ADAMTSL3: variants seen among roughly 807,000 people sequenced by gnomAD.
ADAMTSL3 encodes the protein ADAMTS-like protein 3.
A neutral mutation model predicts 201.7 loss-of-function variants in ADAMTSL3; 128 were observed. The observed-to-expected ratio is 0.63, with a 90% confidence interval of 0.55 to 0.73. The LOEUF is 0.73. Among genes scored for constraint, ADAMTSL3 ranks in the 30% least tolerant of loss-of-function variants. ADAMTSL3 has a pLI of 0.00. For synonymous variants in ADAMTSL3, 738 were observed against 748.4 expected, an observed-to-expected ratio of 0.99 and a Z score of 0.23; for missense variants, 1,990 against 2,119.6, an observed-to-expected ratio of 0.94 and a Z score of 1.20.
chr15:83,909,219 G>A (rs943079882), intron 15 of ADAMTSL3, among the ~76,000 whole-genome samples: 4 of 152,118 alleles, frequency 2.6e-5, no homozygotes, highest in Admixed American at 6.5e-5. Context: ...TTCCCATCTC[G>A]AGGTCACACC....
intron 4 of ADAMTSL3, among the ~76,000 whole-genome samples, chr15:83,782,601 C>G (rs993798291): frequency 6.6e-6 from 1 of 152,166 alleles, no homozygotes; most frequent in Non-Finnish European, 1.5e-5. Flanking sequence ...AGGCCATTAT[C>G]TTTAGCAAAC....
intron 2 of ADAMTSL3, among the ~76,000 whole-genome samples, chr15:83,695,253 T>TGTGTATGTAGTGTGTGGTATGTG (rs2061671455): frequency 1.9e-5 from 1 of 53,934 alleles, no homozygotes; most frequent in Non-Finnish European, 4.3e-5. Context: ...TGTGTGTGTG[T>TGTGTATGTAGTGTGTGGTATGTG]GTGTGTGTGG....
At position 83,773,603 on chromosome 15, in the gene ADAMTSL3, C is replaced by T. The variant is rs763092649; in HGVS notation, c.270C>T (p.Thr90=). 3.7e-6 allele frequency: 6 copies of T among 1,613,054 alleles called. No individual in the cohort carries two copies. In the Admixed American group the frequency reaches 8.4e-5, roughly 22 times the overall value. Residue 90 remains threonine, a synonymous_variant, in exon 4 of 30, where the codon ACC becomes ACT. Transcript: ENST00000286744. ...GCGACTGGAGTGACTGCTCCCGGAC[C>T]TGTGGGGGAGGAGCATCATATTCTC... The part of the protein sequence containing the change: ...AWGDWSDCSR[T]CGGGASYSLR...
At chr15:83,962,398 A>G (rs1415882545) in intron 19 of ADAMTSL3, 3 of 152,206 alleles carry the variant, frequency 2.0e-5, no homozygotes, top group Non-Finnish European at 4.4e-5. Flanking sequence ...TCAAATTGTC[A>G]TTAAAAATAA....
chr15:83,840,656 AAGAT>A (rs1275249960), intron 7 of ADAMTSL3, among the ~76,000 whole-genome samples: 1 of 152,176 alleles, frequency 6.6e-6, no homozygotes, highest in East Asian at 1.9e-4. Context: ...CAACAGTACA[AAGAT>A]AGAGGAGTAG....
chr15:83,772,146 G>A (rs958211476), intron 3 of ADAMTSL3, among the ~76,000 whole-genome samples: 4 of 152,050 alleles, frequency 2.6e-5, no homozygotes, highest in Non-Finnish European at 4.4e-5. Flanking sequence ...GAGCCACCAC[G>A]CCCGGCCTCC....
chr15:83,964,380 C>G (rs2067036530), intron 19 of ADAMTSL3, among the ~76,000 whole-genome samples: 1 of 151,702 alleles, frequency 6.6e-6, no homozygotes, highest in African/African-American at 2.4e-5. Flanking sequence ...ATGAAGCATA[C>G]ACAAGTATCA....
chr15:83,770,440 T>C (rs1287286599), intron 3 of ADAMTSL3, among the ~76,000 whole-genome samples: 2 of 152,244 alleles, frequency 1.3e-5, no homozygotes, highest in African/African-American at 4.8e-5. Context: ...CCAGCCTATA[T>C]ACCTCCAGCC....
At chr15:83,694,921 CT>C (rs1180896740) in intron 2 of ADAMTSL3, among the ~76,000 whole-genome samples, 1 of 152,202 alleles carries the variant, frequency 6.6e-6, no homozygotes, top group Non-Finnish European at 1.5e-5. Context: ...AGGTTTTCTC[CT>C]TTTGGGGAAC....
chr15:83,896,721 T>C (rs2065622799), intron 13 of ADAMTSL3, among the ~76,000 whole-genome samples: 1 of 152,074 alleles, frequency 6.6e-6, no homozygotes, highest in Admixed American at 6.6e-5. Context: ...AATGCGTACA[T>C]ATATACACTC....
chr15:83,887,971 A>G (rs1261083540), intron 10 of ADAMTSL3, among the ~76,000 whole-genome samples: 4 of 152,166 alleles, frequency 2.6e-5, no homozygotes, highest in Non-Finnish European at 4.4e-5. Flanking sequence ...TTGGATCCAT[A>G]AGATAAAAGA....
chr15:83,705,389 C>T (rs920858603), intron 3 of ADAMTSL3, among the ~76,000 whole-genome samples: 43 of 152,204 alleles, frequency 2.8e-4, no homozygotes, highest in African/African-American at 1.0e-3. Context: ...GCTGTGCTCT[C>T]CTCAGCTGTA....
intron 23 of ADAMTSL3, among the ~76,000 whole-genome samples, chr15:83,998,276 G>T (rs569043227): frequency 6.6e-6 from 1 of 152,052 alleles, no homozygotes; most frequent in South Asian, 2.1e-4. Context: ...TGGTAAAACC[G>T]TGTCTCCACT....
At chr15:84,011,537 C>A (rs2068006123) in intron 23 of ADAMTSL3, among the ~76,000 whole-genome samples, 1 of 152,074 alleles carries the variant, frequency 6.6e-6, no homozygotes, top group Non-Finnish European at 1.5e-5. Context: ...GGGAGGGACA[C>A]AAATATTCAG....
intron 20 of ADAMTSL3, among the ~76,000 whole-genome samples, chr15:83,972,373 G>T (rs4842841): frequency 6.6e-6 from 1 of 152,136 alleles, no homozygotes; most frequent in South Asian, 2.1e-4. Flanking sequence ...AGCATATGGC[G>T]TACTATCATG....
chr15:83,927,972 A>AT (rs5814171), intron 17 of ADAMTSL3, among the ~76,000 whole-genome samples: 1,625 of 146,912 alleles, frequency 0.011, 39 homozygotes, highest in African/African-American at 0.037. Flanking sequence ...TGGCTGTGTG[A>AT]TTTTTTTTTT....
At chr15:83,730,180 C>T (rs1055477644) in intron 3 of ADAMTSL3, among the ~76,000 whole-genome samples, 3 of 152,072 alleles carry the variant, frequency 2.0e-5, no homozygotes, top group African/African-American at 7.2e-5. Flanking sequence ...CTATTTTTAT[C>T]TTTAAGAGAT....
At position 83,851,658 on chromosome 15, in the gene ADAMTSL3, A is replaced by T. The variant is rs896074111; in HGVS notation, c.728-7108A>T. On this transcript the variant is annotated intron_variant, in intron 7 of 29. Coordinates refer to ENST00000286744, the MANE Select transcript of ADAMTSL3 (RefSeq NM_207517.3). ...AAAAATCCAGAATATCCAGGCAAGG[A>T]AATTGACAAACATGTCATGTATTCA... Among the ~76,000 whole-genome samples, 4 of 152,230 alleles carry T rather than the reference A, an allele frequency of 2.6e-5. No homozygotes were observed. The South Asian group carries it at 8.3e-4, about 32-fold the overall frequency.
chr15:83,713,853 C>A (rs927459310), intron 3 of ADAMTSL3, among the ~76,000 whole-genome samples: 2 of 152,110 alleles, frequency 1.3e-5, no homozygotes, highest in African/African-American at 4.8e-5. Flanking sequence ...GCACAGTTTG[C>A]AAAGAGATTC....
Sources: gnomAD v4.1 joint callset for allele counts (sites outside exome capture counted in the v4.1 genomes callset) on GRCh38, gnomAD v4.1.1 for gene constraint, MANE v1.5 for transcripts, NCBI Gene and HGNC (gene_info 2026-07-23, HGNC 2026-07-21) for gene names.